The following BTNL9 variants were observed in gnomAD, a reference collection of about 807,000 sequenced individuals.
BTNL9 encodes butyrophilin like 9.
In BTNL9, 45 loss-of-function variants were observed where a neutral mutation model predicts 45.8. The observed-to-expected ratio is 0.98, with a 90% CI of 0.77 to 1.26. The LOEUF is 1.26. Among genes scored for constraint, BTNL9 ranks in the 50% most tolerant of loss-of-function variants. The pLI is 0.00. For missense variants in BTNL9, 784 were observed against 729.7 expected (o/e 1.07, Z -0.86); for synonymous variants, 346 against 330.8 (o/e 1.05, Z -0.50).
rs905799061 is a variant in BTNL9, at chr5:181,060,032, C to T, written c.*170C>T. The stretch of plus-strand genomic sequence containing the variant: ...AGATGTGTATGTGTAGTGCGATTTT[C>T]TTCAAGGAAAGGAGACAAGTCCAAA... On this transcript the variant is annotated 3_prime_UTR_variant, in exon 11 of 11. Transcript: ENST00000327705. 2 of 645,196 alleles carry T rather than the reference C, an allele frequency of 3.1e-6. No homozygotes were observed. The highest frequency in any genetic ancestry group is 1.8e-5 in the African/African-American group (1 of 54,720). The allele number at this position is 645,196 out of a possible 1,614,324, so 40.0% of individuals were successfully genotyped here.
At chr5:181,054,639 C>T (rs1761779266) in intron 7 of BTNL9, 13 of 985,254 alleles carry the variant, frequency 1.3e-5, no homozygotes, top group African/African-American at 1.7e-5. Flanking sequence ...CCACTTTTCT[C>T]CCCAGAGGGA....
At chr5:181,054,776 A>G in intron 7 of BTNL9, 7 of 985,342 alleles carry the variant, frequency 7.1e-6, no homozygotes, top group Non-Finnish European at 7.2e-6. Context: ...ATGAAACTGT[A>G]AGGTTGGGAA....
At chr5:181,049,372 T>G (rs1348612192) in intron 3 of BTNL9, among the ~76,000 whole-genome samples, 1 of 152,214 alleles carries the variant, frequency 6.6e-6, no homozygotes, top group Non-Finnish European at 1.5e-5. Flanking sequence ...GTAATCTGTA[T>G]TATGCATCTG....
Position 181,059,812 on chromosome 5 carries a change from A to G in BTNL9, c.1558A>G (p.Thr520Ala), listed in dbSNP as rs1762081666. The change falls in exon 11 of 11, where the codon ACC becomes GCC. Residue 520 changes from threonine (T) to alanine (A), a missense_variant. By Grantham distance (58) the Thr-to-Ala change is moderately conservative. Transcript: ENST00000327705. ...TGVPEENDSD[T>A]WLQPYEPADP... ...CGTCCCCGAAGAGAACGACAGTGACACCTGGCTACAGCCCTATGAGCCCGC... is the reference window on the plus strand; with the variant it reads ...CGTCCCCGAAGAGAACGACAGTGACGCCTGGCTACAGCCCTATGAGCCCGC... 3 of 1,598,974 alleles carry G rather than the reference A, an allele frequency of 1.9e-6. No homozygotes were observed. The highest frequency in any genetic ancestry group is 2.5e-6 in the Non-Finnish European group (3 of 1,177,920).
rs761563865 is a variant in BTNL9 at position 181,059,743 on chromosome 5, C to T, written c.1489C>T (p.Pro497Ser). The change falls in exon 11 of 11, where the codon CCG becomes TCG. Residue 497 changes from proline (P) to serine (S), a missense_variant. Transcript: ENST00000327705. ...CAGGGCCCACGACGGCGGCGAACAT[C>T]CGGATCCCCTGACCATCTGCCCGCT... ...RPRAHDGGEH[P>S]DPLTICPLPV... is the part of the protein sequence containing the mutation. 6.8e-6 allele frequency: 11 copies of T among 1,612,812 alleles called. No homozygotes were observed. In the African/African-American group the frequency reaches 1.5e-4, roughly 22 times the overall value.
At chr5:181,047,905 C>T (rs576061289) in intron 2 of BTNL9, 22 bp from the exon 3 acceptor site, 17 of 1,596,544 alleles carry the variant, frequency 1.1e-5, no homozygotes, top group Non-Finnish European at 1.4e-5. Context: ...TTGCTTTTGC[C>T]TGTTCTGACT....
At chr5:181,041,034 A>G (rs1452673954) in intron 1 of BTNL9, among the ~76,000 whole-genome samples, 1 of 152,258 alleles carries the variant, frequency 6.6e-6, no homozygotes, top group Non-Finnish European at 1.5e-5. Context: ...CCGCAGACAT[A>G]TGCAGAGCAA....
chr5:181,045,232 C>T (rs1369798789), intron 1 of BTNL9, among the ~76,000 whole-genome samples: 1 of 152,186 alleles, frequency 6.6e-6, no homozygotes, highest in African/African-American at 2.4e-5. Context: ...AGCCTCGTCC[C>T]CTTGCAGCTC....
In BTNL9 at chr5:181,060,854, C is replaced by T. The variant is rs1762114176; in HGVS notation, c.*992C>T. ...AGAAGTGTTCTTCACCCCCTACCCC[C>T]AAGACATTGTCTCTGTCGGCCAGGC... On this transcript the variant is annotated 3_prime_UTR_variant, in exon 11 of 11. Coordinates refer to ENST00000327705, the MANE Select transcript of BTNL9 (RefSeq NM_152547.5). 1 of 152,308 alleles carries T rather than the reference C, an allele frequency of 6.6e-6. No homozygotes were observed. Among genetic ancestry groups the T allele is most frequent in the Non-Finnish European group, 1.5e-5 (1 of 68,114 alleles). The allele number at this position is 152,308 out of a possible 1,614,324, so 9.4% of individuals were successfully genotyped here.
chr5:181,059,411 G>C lies in BTNL9; in HGVS notation c.1157G>C (p.Trp386Ser), dbSNP rs1407039489. ...LERFSAGRHY[W>S]EVHVGRRSRW... Reference sequence around the variant, plus strand: ...CGGTTCTCCGCCGGCCGCCACTACTGGGAGGTGCACGTGGGCCGCCGCAGC... The same window carrying C: ...CGGTTCTCCGCCGGCCGCCACTACTCGGAGGTGCACGTGGGCCGCCGCAGC... Residue 386 changes from tryptophan (W) to serine (S), a missense_variant, in exon 11 of 11, where the codon TGG becomes TCG. By Grantham distance (177) the Trp-to-Ser change is radical. Transcript: ENST00000327705. The C allele has an allele frequency of 2.7e-6, 4 of 1,508,550 alleles. No individual in the cohort carries two copies. The highest frequency in any genetic ancestry group is 3.5e-6 in the Non-Finnish European group (4 of 1,132,016). 93.4% of individuals were successfully genotyped at this position (1,508,550 alleles called of 1,614,324 possible).
rs776147557 is a variant in BTNL9, at chr5:181,048,040, T to G, written c.223T>G (p.Phe75Val). The change falls in exon 3 of 11, where the codon TTC (phenylalanine) becomes GTC (valine). Residue 75 changes from phenylalanine (F) to valine (V), a missense_variant. Coordinates refer to ENST00000327705, the MANE Select transcript of BTNL9 (RefSeq NM_152547.5). Reference protein sequence around the residue: ...LDAQQMEIRWFRSQTFNVVHL... With the variant: ...LDAQQMEIRWVRSQTFNVVHL... ...TGCCCAGCAAATGGAGATCCGCTGG[T>G]TCCGGAGTCAGACCTTCAATGTGGT... 3 of 1,613,688 alleles carry G rather than the reference T, an allele frequency of 1.9e-6. No homozygotes were observed. In the South Asian group the frequency reaches 3.3e-5, roughly 18 times the overall value.
rs904784933 is a variant in BTNL9, at chr5:181,060,400, G to A, written c.*538G>A. 2 of 152,470 alleles carry A rather than the reference G, an allele frequency of 1.3e-5. No individual in the cohort carries two copies. Among genetic ancestry groups the A allele is most frequent in the African/African-American group, 4.8e-5 (2 of 41,448 alleles). The allele number at this position is 152,470 out of a possible 1,614,324, so 9.4% of individuals were successfully genotyped here. A position where few individuals can be genotyped will look rare whatever the true frequency, so the allele number is the denominator to read the frequency against. ...GCAAAAATTTCAAGGTGAGCCTGGAGCATTGTGTGTGGTGAAGTAAAATAA... is the reference window on the plus strand; with the variant it reads ...GCAAAAATTTCAAGGTGAGCCTGGAACATTGTGTGTGGTGAAGTAAAATAA... On this transcript the variant is annotated 3_prime_UTR_variant, in exon 11 of 11. Coordinates refer to ENST00000327705, the MANE Select transcript of BTNL9 (RefSeq NM_152547.5).
rs768186681 is a variant in BTNL9, at chr5:181,059,334, G to A, written c.1080G>A (p.Ala360=). The A allele has an allele frequency of 2.6e-6, 4 of 1,548,906 alleles. No homozygotes were observed. The highest frequency in any genetic ancestry group is 1.9e-5 in the Admixed American group (1 of 51,366). ...VSSRGAPPGP[A]PGHPQRFSEQ... is the part of the protein sequence containing the mutation. ...CCCGCGGGGCGCCGCCAGGCCCGGCGCCTGGCCACCCGCAGCGGTTCTCGG... is the reference window on the plus strand; with the variant it reads ...CCCGCGGGGCGCCGCCAGGCCCGGCACCTGGCCACCCGCAGCGGTTCTCGG... The change falls in exon 11 of 11, where the codon GCG becomes GCA. Residue 360 remains alanine (A), a synonymous_variant. Coordinates refer to ENST00000327705, the MANE Select transcript of BTNL9 (RefSeq NM_152547.5).
In BTNL9 at chr5:181,042,827, G is replaced by A. The variant is rs1041716607; in HGVS notation, c.-24+2395G>A. ...CCGGTCGCTTCTTCAGTGCCTCTGT[G>A]TGATGGCAGGTTAGGGTGAGTGTTT... On this transcript the variant is annotated intron_variant, in intron 1 of 10. Coordinates refer to ENST00000327705, the MANE Select transcript of BTNL9 (RefSeq NM_152547.5). This position sits in a 1 kb window ranked among gnomAD's most constrained non-coding sequence, Gnocchi z 4.5. Among the ~76,000 whole-genome samples the A allele has an allele frequency of 6.6e-6, 1 of 152,212 alleles. No individual in the cohort carries two copies. The highest frequency in any genetic ancestry group is 2.4e-5 in the African/African-American group (1 of 41,456).
rs552242521 is a variant in BTNL9, at chr5:181,041,266, C to G, written c.-24+834C>G. ...AGGGACTCCTGTGGGAGGACGTGGC[C>G]TGTGGACACTGCCAGGTTCGGAGAT... On this transcript the variant is annotated intron_variant, in intron 1 of 10. Transcript: ENST00000327705. 9.8e-5 allele frequency among the ~76,000 whole-genome samples: 15 copies of G among 152,298 alleles called. No homozygotes were observed. The South Asian group carries it at 3.1e-3, about 32-fold the overall frequency.
At position 181,059,481 on chromosome 5, in the gene BTNL9, G is replaced by GCCTGCGCGCCTGAGC. The variant is rs201167195; in HGVS notation, c.1234_1248dup (p.Arg412_Ala416dup). 1.1e-5 allele frequency: 16 copies of GCCTGCGCGCCTGAGC among 1,477,398 alleles called. No individual in the cohort carries two copies. Among genetic ancestry groups the GCCTGCGCGCCTGAGC allele is most frequent in the African/African-American group, 1.5e-5 (1 of 67,940 alleles). 91.5% of individuals were successfully genotyped at this position (1,477,398 alleles called of 1,614,324 possible). On this transcript the variant is annotated inframe_insertion, in exon 11 of 11. Transcript: ENST00000327705. Reference sequence around the variant, plus strand: ...GCCTGGCCGCGGTGCCGCGCGCGGGGCCTGCGCGCCTGAGCCCTGCGGCCG... The same window carrying GCCTGCGCGCCTGAGC: ...GCCTGGCCGCGGTGCCGCGCGCGGGGCCTGCGCGCCTGAGCCCTGCGCGCCTGAGCCCTGCGGCCG...
Position 181,059,781 on chromosome 5 carries a change from G to A in BTNL9, c.1527G>A (p.Gly509=). Residue 509 remains glycine (G), a synonymous_variant, in exon 11 of 11, where the codon GGG becomes GGA. Coordinates refer to ENST00000327705, the MANE Select transcript of BTNL9 (RefSeq NM_152547.5). ...CCATCTGCCCGCTGCCGGTTAGAGG[G>A]ACGGGCGTCCCCGAAGAGAACGACA... ...PLTICPLPVR[G]TGVPEENDSD... is the part of the protein sequence containing the mutation. 1 of 1,609,540 alleles carries A rather than the reference G, an allele frequency of 6.2e-7. No individual in the cohort carries two copies. Among genetic ancestry groups the A allele is most frequent in the Non-Finnish European group, 8.5e-7 (1 of 1,179,522 alleles).
At chr5:181,054,107 G>T (rs776049023) in intron 6 of BTNL9, 132 bp from the exon 7 acceptor site, 3 of 1,555,060 alleles carry the variant, frequency 1.9e-6, no homozygotes, top group African/African-American at 1.4e-5. Flanking sequence ...GCCTGGGCCC[G>T]CAGACCACCG....
At chr5:181,058,589 C>G (rs1761998886) in intron 10 of BTNL9, among the ~76,000 whole-genome samples, 1 of 152,134 alleles carries the variant, frequency 6.6e-6, no homozygotes, top group Admixed American at 6.5e-5. Context: ...AGCTCCCAAA[C>G]ACATCGCTCC....
Sources: allele counts gnomAD v4.1 joint callset (sites outside exome capture counted in the v4.1 genomes callset), GRCh38; gene constraint gnomAD v4.1.1; non-coding constraint Gnocchi (gnomAD v3.1); transcripts MANE v1.5; gene names NCBI Gene and HGNC (gene_info 2026-07-23, HGNC 2026-07-21).